The following LDLRAD4 variants were observed in gnomAD, a reference collection of about 807,000 sequenced individuals.
The protein encoded by LDLRAD4 is low density lipoprotein receptor class A domain containing 4.
LDLRAD4 carries 5 observed loss-of-function variants against 17.0 expected under a neutral mutation model. That is an observed-to-expected ratio of 0.29 (90% confidence interval 0.15 to 0.62). The LOEUF is 0.62. Among genes scored for constraint, LDLRAD4 ranks in the 20% least tolerant of loss-of-function variants. The pLI, the probability that LDLRAD4 is intolerant of heterozygous loss-of-function variation, is 0.84. For missense variants in LDLRAD4, 340 were observed against 424.7 expected (o/e 0.80, Z 1.75); for synonymous variants, 168 against 171.8 (o/e 0.98, Z 0.17).
intron 3 of LDLRAD4, among the ~76,000 whole-genome samples, chr18:13,538,296 A>G (rs2094226658): frequency 6.6e-6 from 1 of 152,216 alleles, no homozygotes; most frequent in Non-Finnish European, 1.5e-5. Flanking sequence ...TTATAACACA[A>G]GCACTTGAAG....
intron 3 of LDLRAD4, among the ~76,000 whole-genome samples, chr18:13,479,487 G>C (rs1295944099): frequency 1.3e-5 from 2 of 152,162 alleles, no homozygotes; most frequent in African/African-American, 2.4e-5. Flanking sequence ...TGGACATGGT[G>C]GTGGGTGCCT....
At chr18:13,527,126 A>ATGGT (rs2094045087) in intron 3 of LDLRAD4, among the ~76,000 whole-genome samples, 1 of 152,230 alleles carries the variant, frequency 6.6e-6, no homozygotes, top group Non-Finnish European at 1.5e-5. Flanking sequence ...GTTCCCTGTA[A>ATGGT]GACACCATTA....
At chr18:13,458,158 C>T (rs1003252416) in intron 3 of LDLRAD4, among the ~76,000 whole-genome samples, 4 of 152,144 alleles carry the variant, frequency 2.6e-5, no homozygotes, top group African/African-American at 9.7e-5. Flanking sequence ...CATGGGGAAG[C>T]ACGGATGAGG....
In LDLRAD4 at chr18:13,300,693, G is replaced by A. The variant is rs569743940; in HGVS notation, c.-383+22505G>A. On this transcript the variant is annotated intron_variant, in intron 1 of 5. Transcript: ENST00000359446. This position sits in a 1 kb window ranked among gnomAD's most constrained non-coding sequence, Gnocchi z 4.2. ...CCCTGCACCCAAGAATTTCTTGGTG[G>A]CGTTCACACTAAGAAGTGTCAGAGT... Among the ~76,000 whole-genome samples, 17 of 152,314 alleles carry A rather than the reference G, an allele frequency of 1.1e-4. No homozygotes were observed. The highest frequency in any genetic ancestry group is 3.8e-4 in the African/African-American group (16 of 41,570).
At chr18:13,254,491 G>A (rs950257766) in intron 1 of LDLRAD4, among the ~76,000 whole-genome samples, 1 of 152,160 alleles carries the variant, frequency 6.6e-6, no homozygotes, top group African/African-American at 2.4e-5. Flanking sequence ...CTTCAAGGTC[G>A]CTCAGCTGAC....
chr18:13,520,253 G>C (rs144303820), intron 3 of LDLRAD4: 1 of 152,202 alleles, frequency 6.6e-6, no homozygotes, highest in Non-Finnish European at 1.5e-5. Flanking sequence ...CCTGTCTTCA[G>C]CTTCCCCTGA....
chr18:13,385,703 C>A (rs1352678167), intron 1 of LDLRAD4, among the ~76,000 whole-genome samples: 1 of 152,194 alleles, frequency 6.6e-6, no homozygotes, highest in Non-Finnish European at 1.5e-5. Context: ...GGATAAATTC[C>A]ATTTCCCAAA....
rs545763649 is a variant in LDLRAD4, at chr18:13,608,335, G to A, written c.182-12782G>A. Among the ~76,000 whole-genome samples, 22 of 152,182 alleles carry A rather than the reference G, an allele frequency of 1.4e-4. No homozygotes were observed. In the South Asian group the frequency reaches 4.0e-3, roughly 27 times the overall value. On this transcript the variant is annotated intron_variant, in intron 3 of 5. Coordinates refer to ENST00000359446, the Ensembl canonical transcript of LDLRAD4. ...ACCCGCGGTGGGGCAGGCTGTGGAG[G>A]GGGAGGCAACTGGAGGGGGAGGCAG... is the stretch of plus-strand genomic sequence containing the variant.
intron 1 of LDLRAD4, among the ~76,000 whole-genome samples, chr18:13,242,954 C>T (rs537193015): frequency 6.6e-6 from 1 of 152,138 alleles, no homozygotes; most frequent in African/African-American, 2.4e-5. Flanking sequence ...GGAGCTTTCC[C>T]GGGCTGGGTG....
At chr18:13,444,558 G>A (rs1009510940) in intron 3 of LDLRAD4, among the ~76,000 whole-genome samples, 6 of 152,142 alleles carry the variant, frequency 3.9e-5, no homozygotes, top group Admixed American at 6.5e-5. Flanking sequence ...TCCACCACAC[G>A]GAGATCACAG....
rs5823261 is a variant in LDLRAD4 at position 13,563,926 on chromosome 18, GTCTCTCTC to G, written c.182-57180_182-57173del. On this transcript the variant is annotated intron_variant, in intron 3 of 5. Coordinates refer to ENST00000359446, the Ensembl canonical transcript of LDLRAD4. ...GCTATTATTTACATTTTTTAAGAGA[GTCTCTCTC>G]TCTCTCTCTCACCTAAACTGGAGTG... Among the ~76,000 whole-genome samples the G allele has an allele frequency of 2.8e-4, 42 of 151,138 alleles. No individual in the cohort carries two copies. In the South Asian group the frequency reaches 4.6e-3, roughly 17 times the overall value.
chr18:13,394,447 TAAAG>T (rs1458708591), intron 2 of LDLRAD4, among the ~76,000 whole-genome samples: 2 of 152,234 alleles, frequency 1.3e-5, no homozygotes, highest in African/African-American at 2.4e-5. Context: ...GTGTACAACA[TAAAG>T]ATAGTTATAA....
intron 1 of LDLRAD4, among the ~76,000 whole-genome samples, chr18:13,350,740 C>A (rs2144380320): frequency 6.6e-6 from 1 of 152,234 alleles, no homozygotes; most frequent in Admixed American, 6.5e-5. Flanking sequence ...CCTAGGTTTT[C>A]TTCTAGGGTT....
At chr18:13,564,580 TAAAAAAAA>T (rs367805996) in intron 3 of LDLRAD4, among the ~76,000 whole-genome samples, 17 of 82,464 alleles carry the variant, frequency 2.1e-4, no homozygotes, top group Middle Eastern at 8.5e-3. Flanking sequence ...TCCCATTTTC[TAAAAAAAA>T]AAAAAAAAAA....
chr18:13,238,508 G>C (rs1252122340), intron 1 of LDLRAD4, among the ~76,000 whole-genome samples: 2 of 152,210 alleles, frequency 1.3e-5, no homozygotes, highest in African/African-American at 2.4e-5. Context: ...CATCTACTCT[G>C]TGCTCTTTCT....
chr18:13,554,535 G>A (rs1309846011), intron 3 of LDLRAD4, among the ~76,000 whole-genome samples: 1 of 152,074 alleles, frequency 6.6e-6, no homozygotes, highest in African/African-American at 2.4e-5. Context: ...GACGGCATCA[G>A]CATCTACCCC....
chr18:13,526,095 A>G (rs532665589), intron 3 of LDLRAD4: 1 of 152,114 alleles, frequency 6.6e-6, no homozygotes, highest in Non-Finnish European at 1.5e-5. Context: ...TCCTGTGGGA[A>G]TTTTATGGCA....
At chr18:13,608,019 A>C (rs1279105405) in intron 3 of LDLRAD4, among the ~76,000 whole-genome samples, 1 of 152,218 alleles carries the variant, frequency 6.6e-6, no homozygotes, top group African/African-American at 2.4e-5. Context: ...AGGAATTGCC[A>C]CACTGTCTTC....
chr18:13,343,887 G>A (rs2082524080), intron 1 of LDLRAD4, among the ~76,000 whole-genome samples: 1 of 152,188 alleles, frequency 6.6e-6, no homozygotes, highest in Non-Finnish European at 1.5e-5. Context: ...CTTCTTTTGA[G>A]AAGTGTCTGT....
Sources: allele counts gnomAD v4.1 joint callset (sites outside exome capture counted in the v4.1 genomes callset), GRCh38; gene constraint gnomAD v4.1.1; non-coding constraint Gnocchi (gnomAD v3.1); transcripts MANE v1.5; gene names NCBI Gene and HGNC (gene_info 2026-07-23, HGNC 2026-07-21).